The following PTPRO variants were observed in gnomAD, a reference collection of about 807,000 sequenced individuals.
PTPRO encodes receptor-type tyrosine-protein phosphatase O.
Under a neutral mutation model 145.2 loss-of-function variants are expected in PTPRO, and 62 were observed. That is an observed-to-expected ratio of 0.43 (90% CI 0.35 to 0.53). The LOEUF (loss-of-function observed/expected upper bound fraction) is 0.53. PTPRO is among the 20% of genes least tolerant of loss of function. PTPRO has a pLI of 0.01. For synonymous variants in PTPRO, 565 were observed against 514.7 expected (o/e 1.10, Z -1.32); for missense variants, 1,345 against 1,482.7 (o/e 0.91, Z 1.53).
chr12:15,448,313 T>C (rs1051618869), intron 1 of PTPRO, among the ~76,000 whole-genome samples: 1 of 134,626 alleles, frequency 7.4e-6, no homozygotes, highest in Admixed American at 8.3e-5. Flanking sequence ...TTTGCCTTCT[T>C]CTCTATTCTA....
intron 2 of PTPRO, among the ~76,000 whole-genome samples, chr12:15,496,821 G>C (rs534927649): frequency 3.3e-5 from 5 of 152,130 alleles, no homozygotes; most frequent in African/African-American, 1.2e-4. Flanking sequence ...TTCTGTTACT[G>C]GTCTGTTACT....
intron 1 of PTPRO, among the ~76,000 whole-genome samples, chr12:15,429,401 G>A (rs1205690299): frequency 1.3e-5 from 2 of 152,182 alleles, no homozygotes; most frequent in Non-Finnish European, 2.9e-5. Flanking sequence ...GCCAGGGCAG[G>A]ATGATGATGA....
chr12:15,331,656 CAA>C (rs1866612905), intron 1 of PTPRO, among the ~76,000 whole-genome samples: 1 of 152,066 alleles, frequency 6.6e-6, no homozygotes, highest in African/African-American at 2.4e-5. Context: ...AAAGTGAAGT[CAA>C]AGAGGTAGGG....
intron 21 of PTPRO, 37 bp downstream of exon 21, chr12:15,580,152 A>T (rs1944278942): frequency 4.0e-6 from 6 of 1,515,620 alleles, no homozygotes; most frequent in African/African-American, 1.4e-5. Context: ...CCCAAAGCTA[A>T]CCAGCCAGAG....
At chr12:15,404,065 G>A (rs1319015776) in intron 1 of PTPRO, among the ~76,000 whole-genome samples, 9 of 151,350 alleles carry the variant, frequency 5.9e-5, no homozygotes, top group African/African-American at 7.3e-5. Flanking sequence ...GCGTGGTGGC[G>A]GGTGCCTGTA....
intron 12 of PTPRO, among the ~76,000 whole-genome samples, chr12:15,526,830 T>C (rs761645934): frequency 6.6e-6 from 1 of 151,818 alleles, no homozygotes; most frequent in Non-Finnish European, 1.5e-5. Context: ...TAAGTTGGGG[T>C]TTATAAGAAA....
chr12:15,354,783 T>C (rs1447898942), intron 1 of PTPRO, among the ~76,000 whole-genome samples: 1 of 152,178 alleles, frequency 6.6e-6, no homozygotes, highest in Admixed American at 6.5e-5. Context: ...CAACCCCGTT[T>C]TACAAATGAC....
chr12:15,488,059 G>A (rs973925224), intron 2 of PTPRO, among the ~76,000 whole-genome samples: 1 of 152,098 alleles, frequency 6.6e-6, no homozygotes, highest in Non-Finnish European at 1.5e-5. Flanking sequence ...ACATCACTTG[G>A]TTCACTTGCT....
chr12:15,522,547 A>AT (rs946873953), intron 10 of PTPRO, among the ~76,000 whole-genome samples: 6 of 152,028 alleles, frequency 3.9e-5, no homozygotes, highest in East Asian at 1.9e-4. Flanking sequence ...TGTGTGTGTG[A>AT]TTTTTTTTAC....
chr12:15,480,505 C>T (rs1163242604), intron 1 of PTPRO, among the ~76,000 whole-genome samples: 1 of 152,112 alleles, frequency 6.6e-6, no homozygotes, highest in Non-Finnish European at 1.5e-5. Context: ...CTACCTGCAG[C>T]CTGACCTCCC....
intron 7 of PTPRO, among the ~76,000 whole-genome samples, chr12:15,512,751 TG>T (rs1479903079): frequency 2.6e-5 from 4 of 152,112 alleles, no homozygotes; most frequent in Non-Finnish European, 5.9e-5. Flanking sequence ...CCTAGCACTT[TG>T]GGAGGCCAAG....
chr12:15,517,613 A>C (rs1942627007), intron 9 of PTPRO, among the ~76,000 whole-genome samples: 1 of 152,206 alleles, frequency 6.6e-6, no homozygotes, highest in Non-Finnish European at 1.5e-5. Context: ...TACTTCCTAG[A>C]TACACTCGGG....
chr12:15,424,964 G>A (rs1209861904), intron 1 of PTPRO, among the ~76,000 whole-genome samples: 2 of 152,104 alleles, frequency 1.3e-5, no homozygotes, highest in African/African-American at 4.8e-5. Context: ...TCTTAAAGCT[G>A]CAGTTATTTC....
intron 1 of PTPRO, among the ~76,000 whole-genome samples, chr12:15,425,019 T>G (rs1940246834): frequency 6.6e-6 from 1 of 152,132 alleles, no homozygotes; most frequent in Non-Finnish European, 1.5e-5. Context: ...GAGACTACAG[T>G]CAGACTGCCT....
At chr12:15,403,493 G>A (rs963750671) in intron 1 of PTPRO, among the ~76,000 whole-genome samples, 3 of 152,206 alleles carry the variant, frequency 2.0e-5, no homozygotes, top group Non-Finnish European at 4.4e-5. Flanking sequence ...TGAGTCAGGA[G>A]AATGGCGTGA....
intron 1 of PTPRO, among the ~76,000 whole-genome samples, chr12:15,392,849 G>A (rs746402795): frequency 7.2e-5 from 11 of 151,958 alleles, no homozygotes; most frequent in Non-Finnish European, 1.5e-4. Context: ...GGTTGTTAAA[G>A]GAAGAGGCTT....
chr12:15,517,173 G>A, intron 9 of PTPRO: 2 of 598,492 alleles, frequency 3.3e-6, no homozygotes, highest in Non-Finnish European at 5.9e-6. Flanking sequence ...ACGTGGCTGG[G>A]GAAGCCTCAC....
intron 1 of PTPRO, among the ~76,000 whole-genome samples, chr12:15,424,955 C>T (rs1940244476): frequency 6.6e-6 from 1 of 152,208 alleles, no homozygotes; most frequent in African/African-American, 2.4e-5. Context: ...GTGCTTTCTT[C>T]TTAAAGCTGC....
chr12:15,567,376 A>T (rs1943927366), intron 18 of PTPRO, among the ~76,000 whole-genome samples: 2 of 147,226 alleles, frequency 1.4e-5, no homozygotes, highest in African/African-American at 5.1e-5. Context: ...CCTTTCCATC[A>T]CCTCCTCTTT....
Sources: gnomAD v4.1 joint callset for allele counts (sites outside exome capture counted in the v4.1 genomes callset) on GRCh38, gnomAD v4.1.1 for gene constraint, MANE v1.5 for transcripts, NCBI Gene and HGNC (gene_info 2026-07-23, HGNC 2026-07-21) for gene names.